The following DICER1 variants were observed in gnomAD, a reference collection of about 807,000 sequenced individuals.
The protein encoded by DICER1 is dicer 1, ribonuclease III, also known as endoribonuclease Dicer.
A neutral mutation model predicts 194.1 loss-of-function variants in DICER1; 43 were observed. The observed-to-expected ratio is 0.22, with a 90% CI of 0.17 to 0.29. DICER1 has a LOEUF of 0.29. Ranked by LOEUF, DICER1 falls within the 10% of genes least tolerant of loss-of-function variation. The probability of loss-of-function intolerance (pLI) is 1.00; values close to 1 mark genes in which losing one functional copy is unlikely to be tolerated. For synonymous variants in DICER1, 832 were observed against 820.5 expected, an observed-to-expected ratio of 1.01 and a Z score of -0.24; for missense variants, 1,608 against 2,317.0, an observed-to-expected ratio of 0.69 and a Z score of 6.28.
In DICER1 at chr14:95,115,804, A is replaced by G. The variant is rs777355058; in HGVS notation, c.1770T>C (p.Cys590=). ...TCTCACCAGTATCAACCGACTTGGAACACTTGTTTCTCAAGATCTGAACAT... is the reference window on the plus strand; with the variant it reads ...TCTCACCAGTATCAACCGACTTGGAGCACTTGTTTCTCAAGATCTGAACAT... The part of the protein sequence containing the change: ...KAIEKILRNK[C]SKSVDTGETD... The change falls in exon 11 of 27, where the codon TGT becomes TGC. Residue 590 remains cysteine, a synonymous_variant. Coordinates refer to ENST00000343455, the MANE Select transcript of DICER1 (RefSeq NM_177438.3). 12 of 1,614,054 alleles carry G rather than the reference A, an allele frequency of 7.4e-6. No individual in the cohort carries two copies. Among genetic ancestry groups the G allele is most frequent in the African/African-American group, 1.3e-5 (1 of 74,930 alleles).
chr14:95,131,530 G>A lies in DICER1; in HGVS notation c.417C>T (p.Asn139=), dbSNP rs1893947224. 3.1e-6 allele frequency: 5 copies of A among 1,613,492 alleles called. No individual in the cohort carries two copies. The highest frequency in any genetic ancestry group is 3.4e-6 in the Non-Finnish European group (4 of 1,179,516). Reference sequence around the variant, plus strand: ...TTACCTGGTGCTTAGTAAACTCTTGGTTCCATCTCTCTTTTGTCCAAGATG... The same window carrying A: ...TTACCTGGTGCTTAGTAAACTCTTGATTCCATCTCTCTTTTGTCCAAGATG... ...VNASWTKERW[N]QEFTKHQVLI... Residue 139 remains asparagine, a synonymous_variant, in exon 4 of 27, where the codon AAC becomes AAT. Transcript: ENST00000343455.
At chr14:95,092,349 T>C (rs1889922247) in intron 24 of DICER1, among the ~76,000 whole-genome samples, 2 of 152,208 alleles carry the variant, frequency 1.3e-5, no homozygotes, top group African/African-American at 4.8e-5. Flanking sequence ...ATCAGGCAAA[T>C]TTAACTAATT....
At chr14:95,118,463 C>A (rs556952470) in intron 8 of DICER1, among the ~76,000 whole-genome samples, 2 of 152,240 alleles carry the variant, frequency 1.3e-5, no homozygotes, top group South Asian at 4.2e-4. Flanking sequence ...GCAAGGCAAC[C>A]CCACCCTTCC....
chr14:95,132,400 C>T lies in DICER1; in HGVS notation c.307+115G>A. On this transcript the variant is annotated intron_variant, in intron 3 of 26. Coordinates refer to ENST00000343455, the MANE Select transcript of DICER1 (RefSeq NM_177438.3). ...TCTGCCAGAAGAGATTAAATGAGTA[C>T]ATTATCTGTCAAACTTTCTTCAATA... 4 of 1,120,280 alleles carry T rather than the reference C, an allele frequency of 3.6e-6. No individual in the cohort carries two copies. The Admixed American group carries it at 5.1e-5, about 14-fold the overall frequency. 69.4% of individuals were successfully genotyped at this position (1,120,280 alleles called of 1,614,324 possible). A position where few individuals can be genotyped will look rare whatever the true frequency, so the allele number is the denominator to read the frequency against.
At chr14:95,102,113 C>CGT (rs940684607) in intron 21 of DICER1, among the ~76,000 whole-genome samples, 1 of 152,004 alleles carries the variant, frequency 6.6e-6, no homozygotes, top group Non-Finnish European at 1.5e-5. Flanking sequence ...GGTGTGTGTA[C>CGT]GTGTGTGTGC....
chr14:95,093,173 A>G (rs1325481529), intron 24 of DICER1, among the ~76,000 whole-genome samples: 14 of 152,270 alleles, frequency 9.2e-5, no homozygotes, highest in Admixed American at 9.2e-4. Flanking sequence ...CTGACTCCTT[A>G]TAAGAAAATC....
intron 1 of DICER1, among the ~76,000 whole-genome samples, chr14:95,152,389 A>C (rs985849204): frequency 6.6e-6 from 1 of 152,170 alleles, no homozygotes; most frequent in Non-Finnish European, 1.5e-5. Flanking sequence ...TCCCCACAAA[A>C]CTGTGTTAGC....
chr14:95,114,585 T>C (rs190451671), intron 11 of DICER1, among the ~76,000 whole-genome samples: 14 of 152,306 alleles, frequency 9.2e-5, no homozygotes, highest in Admixed American at 8.5e-4. Context: ...ATGCTTACAC[T>C]AATGAGTCAA....
intron 1 of DICER1, chr14:95,141,058 C>T (rs1194506340): frequency 6.6e-6 from 1 of 151,924 alleles, no homozygotes; most frequent in Non-Finnish European, 1.5e-5. Context: ...TAAATAAAGT[C>T]TAAAGATGGT....
At chr14:95,136,708 T>G (rs1894401985) in intron 1 of DICER1, 1 of 152,264 alleles carries the variant, frequency 6.6e-6, no homozygotes, top group South Asian at 2.1e-4. Flanking sequence ...GCAGTTGTCT[T>G]TCTTTCCCTC....
At chr14:95,107,440 C>T (rs779353711) in intron 17 of DICER1, among the ~76,000 whole-genome samples, 168 bp downstream of exon 17, 7 of 151,988 alleles carry the variant, frequency 4.6e-5, no homozygotes, top group South Asian at 2.1e-4. Context: ...TTAGTAGAGA[C>T]GAGGTTTCAC....
chr14:95,091,287 G>A lies in DICER1; in HGVS notation c.5443C>T (p.Leu1815Phe), dbSNP rs1282259682. 6.2e-7 allele frequency: 1 copy of A among 1,614,018 alleles called. No homozygotes were observed. The highest frequency in any genetic ancestry group is 8.5e-7 in the Non-Finnish European group (1 of 1,179,994). ...PKAMGDIFES[L>F]AGAIYMDSGM... is the part of the protein sequence containing the mutation. ...CTATCCATGTAAATGGCACCAGCAAGCGACTCAAAAATATCCCCCATGGCC... is the reference window on the plus strand; with the variant it reads ...CTATCCATGTAAATGGCACCAGCAAACGACTCAAAAATATCCCCCATGGCC... The change falls in exon 25 of 27, where the codon CTT (leucine) becomes TTT (phenylalanine). Residue 1815 changes from leucine (L) to phenylalanine (F), a missense_variant. Physicochemically the swap from Leu to Phe is conservative, Grantham distance 22. Transcript: ENST00000343455.
At chr14:95,102,761 A>AG (rs1312966028) in intron 21 of DICER1, among the ~76,000 whole-genome samples, 2 of 152,154 alleles carry the variant, frequency 1.3e-5, no homozygotes, top group East Asian at 3.9e-4. Flanking sequence ...GCTGAGTTTA[A>AG]GAGCCCGCCC....
chr14:95,143,485 G>A (rs181286788), intron 1 of DICER1, among the ~76,000 whole-genome samples: 31 of 152,220 alleles, frequency 2.0e-4, no homozygotes, highest in African/African-American at 7.0e-4. Flanking sequence ...TCTCTGAAAT[G>A]GGAAATAACA....
At chr14:95,116,426 C>T (rs758198647) in intron 10 of DICER1, 27 bp downstream of exon 10, 15 of 1,605,334 alleles carry the variant, frequency 9.3e-6, no homozygotes, top group Admixed American at 1.7e-5. Context: ...CCCAATCTGC[C>T]GGCACATGTT....
At chr14:95,098,027 T>C (rs1169596334) in intron 22 of DICER1, among the ~76,000 whole-genome samples, 8 of 152,186 alleles carry the variant, frequency 5.3e-5, no homozygotes, top group Admixed American at 2.0e-4. Context: ...GACAATATTT[T>C]TTTTTTATTG....
intron 1 of DICER1, among the ~76,000 whole-genome samples, chr14:95,149,968 A>G (rs1329829855): frequency 6.6e-6 from 1 of 152,242 alleles, no homozygotes; most frequent in Non-Finnish European, 1.5e-5. Flanking sequence ...GGTATCAGTT[A>G]GTGCAATGAT....
chr14:95,117,549 G>C, intron 9 of DICER1, 73 bp downstream of exon 9: 1 of 1,492,732 alleles, frequency 6.7e-7, no homozygotes, highest in East Asian at 2.3e-5. Flanking sequence ...ATGAAAAAAG[G>C]GAGACCCTAT....
chr14:95,087,266 G>A lies in DICER1; in HGVS notation c.*3232C>T, dbSNP rs1238337453. 1 of 232,728 alleles carries A rather than the reference G, an allele frequency of 4.3e-6. No homozygotes were observed. Among genetic ancestry groups the A allele is most frequent in the Non-Finnish European group, 8.5e-6 (1 of 117,692 alleles). The allele number at this position is 232,728 out of a possible 1,614,324, so 14.4% of individuals were successfully genotyped here. A position where few individuals can be genotyped will look rare whatever the true frequency, so the allele number is the denominator to read the frequency against. ...GTATTATTAACAAATAAAAATATCAGTATTTTAAAAGACAATTACAGGAGT... is the reference window on the plus strand; with the variant it reads ...GTATTATTAACAAATAAAAATATCAATATTTTAAAAGACAATTACAGGAGT... On this transcript the variant is annotated 3_prime_UTR_variant, in exon 27 of 27. Transcript: ENST00000343455.
Sources: gnomAD v4.1 joint callset for allele counts (sites outside exome capture counted in the v4.1 genomes callset) on GRCh38, gnomAD v4.1.1 for gene constraint, MANE v1.5 for transcripts, NCBI Gene and HGNC (gene_info 2026-07-23, HGNC 2026-07-21) for gene names.